GPR160: variants seen among roughly 807,000 people sequenced by gnomAD.
The protein encoded by GPR160 is probable G protein-coupled receptor 160.
Under a neutral mutation model 2.6 loss-of-function variants are expected in GPR160, and 2 were observed. That is an observed-to-expected ratio of 0.77 (90% CI 0.32 to 2.44). GPR160 has a LOEUF of 2.44. GPR160 is among the 30% of genes most tolerant of loss of function. GPR160 has a pLI of 0.11. For missense variants in GPR160, 351 were observed against 383.6 expected (o/e 0.91, Z 0.71); for synonymous variants, 130 against 132.2 (o/e 0.98, Z 0.12).
chr3:170,063,881 C>T (rs750033258), intron 2 of GPR160, among the ~76,000 whole-genome samples: 9 of 152,142 alleles, frequency 5.9e-5, no homozygotes, highest in Non-Finnish European at 1.0e-4. Context: ...CCACCCGCTG[C>T]GGCTTTTCTG....
chr3:170,042,648 T>C (rs1257043459), intron 2 of GPR160, among the ~76,000 whole-genome samples: 1 of 146,022 alleles, frequency 6.8e-6, no homozygotes, highest in East Asian at 2.0e-4. Context: ...GGCAACATAG[T>C]GAGGCCCCCA....
At chr3:170,067,755 TA>T (rs953780333) in intron 2 of GPR160, among the ~76,000 whole-genome samples, 16 of 149,766 alleles carry the variant, frequency 1.1e-4, no homozygotes, top group Non-Finnish European at 1.5e-4. Flanking sequence ...GTCTTACCTT[TA>T]AAAAAAAAAG....
intron 2 of GPR160, among the ~76,000 whole-genome samples, chr3:170,053,678 G>A (rs942198655): frequency 6.6e-6 from 1 of 152,072 alleles, no homozygotes; most frequent in Admixed American, 6.6e-5. Context: ...CAATTTTAGG[G>A]GTAAAGTGGT....
chr3:170,062,962 C>A, intron 2 of GPR160: 1 of 279,708 alleles, frequency 3.6e-6, no homozygotes, highest in Admixed American at 4.9e-5. Context: ...CCACGGGACC[C>A]CTCCATGGTG....
At chr3:170,042,672 A>T (rs1157772225) in intron 2 of GPR160, among the ~76,000 whole-genome samples, 2 of 146,534 alleles carry the variant, frequency 1.4e-5, no homozygotes, top group Non-Finnish European at 3.0e-5. Flanking sequence ...CTACAAAAAA[A>T]AAAAATAAAT....
intron 2 of GPR160, among the ~76,000 whole-genome samples, chr3:170,058,848 A>G (rs993409172): frequency 6.6e-6 from 1 of 152,248 alleles, no homozygotes; most frequent in African/African-American, 2.4e-5. Flanking sequence ...GTATATCTAC[A>G]TAATGCAGCC....
At chr3:170,055,486 G>A (rs1266926885) in intron 2 of GPR160, among the ~76,000 whole-genome samples, 1 of 151,908 alleles carries the variant, frequency 6.6e-6, no homozygotes, top group Non-Finnish European at 1.5e-5. Context: ...GGAGAGTGGG[G>A]TCTCAGGGAC....
At chr3:170,045,227 G>A (rs1329708250) in intron 2 of GPR160, among the ~76,000 whole-genome samples, 1 of 151,712 alleles carries the variant, frequency 6.6e-6, no homozygotes, top group Non-Finnish European at 1.5e-5. Flanking sequence ...AACGGACATG[G>A]AATAAACAAG....
chr3:170,061,111 CTAA>C (rs2108326756), intron 2 of GPR160, among the ~76,000 whole-genome samples: 1 of 152,018 alleles, frequency 6.6e-6, no homozygotes, highest in African/African-American at 2.4e-5. Context: ...CACATCTCTA[CTAA>C]TAATACAAAA....
intron 2 of GPR160, among the ~76,000 whole-genome samples, chr3:170,070,093 G>C (rs1482123054): frequency 3.3e-5 from 5 of 152,166 alleles, no homozygotes; most frequent in African/African-American, 1.2e-4. Flanking sequence ...TATGAATTTG[G>C]GGGGATATAA....
At chr3:170,076,149 C>T (rs1418795180) in intron 2 of GPR160, among the ~76,000 whole-genome samples, 1 of 152,036 alleles carries the variant, frequency 6.6e-6, no homozygotes, top group African/African-American at 2.4e-5. Context: ...CAGCGCTGGG[C>T]AGAGTGGGGG....
rs200374138 is a variant in GPR160, at chr3:170,042,884, C to CT, written c.-193+3856dup. 2.4e-3 allele frequency among the ~76,000 whole-genome samples: 301 copies of CT among 124,238 alleles called. 2 individuals carry two copies. In the South Asian group the frequency reaches 0.034, roughly 14 times the overall value. The allele number at this position is 124,238 out of a possible 152,430, so 81.5% of individuals were successfully genotyped here. On this transcript the variant is annotated intron_variant, in intron 2 of 3. Coordinates refer to ENST00000355897, the MANE Select transcript of GPR160 (RefSeq NM_014373.3). Reference sequence around the variant, plus strand: ...GTAGTCTTCTGGTAGTCTTCACACACTTTTTTTTTTTTTTTGAGATGGAGT... The same window carrying CT: ...GTAGTCTTCTGGTAGTCTTCACACACTTTTTTTTTTTTTTTTGAGATGGAGT...
intron 2 of GPR160, among the ~76,000 whole-genome samples, chr3:170,044,154 G>A (rs139926481): frequency 1.3e-5 from 2 of 151,792 alleles, no homozygotes; most frequent in African/African-American, 2.4e-5. Flanking sequence ...GAGAAACCTC[G>A]TCTCTACTAA....
chr3:170,082,627 GCT>G lies in GPR160; in HGVS notation c.-68-1275_-68-1274del, dbSNP rs539871039. Among the ~76,000 whole-genome samples the G allele has an allele frequency of 2.4e-3, 358 of 152,180 alleles. 4 individuals carry two copies. Among genetic ancestry groups the G allele is most frequent in the African/African-American group, 8.2e-3 (341 of 41,526 alleles). ...TTTTCTTTTTTCGAGACAGGGTCTT[GCT>G]CTGTCACCCAGGCTGGAGTGCAGTG... On this transcript the variant is annotated intron_variant, in intron 3 of 3. Coordinates refer to ENST00000355897, the MANE Select transcript of GPR160 (RefSeq NM_014373.3).
chr3:170,084,475 A>G lies in GPR160; in HGVS notation c.503A>G (p.Asn168Ser), dbSNP rs1450072939. The G allele has an allele frequency of 6.2e-7, 1 of 1,613,808 alleles. No individual in the cohort carries two copies. Among genetic ancestry groups the G allele is most frequent in the Non-Finnish European group, 8.5e-7 (1 of 1,179,736 alleles). ...PAIYQSLKAQ[N>S]AYSRHCPFYV... Reference sequence around the variant, plus strand: ...ATCTACCAAAGCCTGAAGGCACAGAATGCTTATTCTCGTCACTGTCCTTTC... The same window carrying G: ...ATCTACCAAAGCCTGAAGGCACAGAGTGCTTATTCTCGTCACTGTCCTTTC... Residue 168 changes from asparagine (N) to serine (S), a missense_variant, in exon 4 of 4, where the codon AAT (asparagine) becomes AGT (serine). Transcript: ENST00000355897.
intron 2 of GPR160, among the ~76,000 whole-genome samples, chr3:170,059,392 A>G (rs1276173058): frequency 6.6e-6 from 1 of 152,202 alleles, no homozygotes; most frequent in Non-Finnish European, 1.5e-5. Context: ...AGCTTAGTGG[A>G]ATATAGTCAA....
At chr3:170,066,044 A>G (rs1712310906) in intron 2 of GPR160, among the ~76,000 whole-genome samples, 1 of 151,384 alleles carries the variant, frequency 6.6e-6, no homozygotes, top group Non-Finnish European at 1.5e-5. Flanking sequence ...GCATGCACAC[A>G]TGCCCAGTGC....
At chr3:170,066,428 C>T (rs1374115422) in intron 2 of GPR160, among the ~76,000 whole-genome samples, 3 of 152,110 alleles carry the variant, frequency 2.0e-5, no homozygotes, top group Admixed American at 6.5e-5. Flanking sequence ...TGTGAGCCAC[C>T]GCGCCTGGCC....
intron 3 of GPR160, among the ~76,000 whole-genome samples, chr3:170,081,241 C>T (rs979151302): frequency 2.6e-5 from 4 of 151,326 alleles, no homozygotes; most frequent in African/African-American, 7.2e-5. Context: ...GCTTCTTTAT[C>T]CAAGCAACAC....
Sources: allele counts gnomAD v4.1 joint callset (sites outside exome capture counted in the v4.1 genomes callset), GRCh38; gene constraint gnomAD v4.1.1; transcripts MANE v1.5; gene names NCBI Gene and HGNC (gene_info 2026-07-23, HGNC 2026-07-21).